The following SPIDR variants were observed in gnomAD, a reference collection of about 807,000 sequenced individuals.
SPIDR encodes DNA repair-scaffolding protein.
A neutral mutation model predicts 104.6 loss-of-function variants in SPIDR; 93 were observed. That is an observed-to-expected ratio of 0.89 (90% CI 0.75 to 1.06). The LOEUF (loss-of-function observed/expected upper bound fraction) is 1.06. Among genes scored for constraint, SPIDR ranks in the 50% least tolerant of loss-of-function variants. SPIDR has a pLI of 0.00. For missense variants in SPIDR, 1,154 were observed against 1,111.2 expected, an observed-to-expected ratio of 1.04 and a Z score of -0.55; for synonymous variants, 431 against 416.9, an observed-to-expected ratio of 1.03 and a Z score of -0.41.
At chr8:47,654,009 A>G (rs908583941) in intron 10 of SPIDR, 18 of 1,286,918 alleles carry the variant, frequency 1.4e-5, no homozygotes, top group Non-Finnish European at 1.7e-5. Flanking sequence ...GGCAAGGACT[A>G]TCAGATTCCA....
chr8:47,539,612 T>G (rs1277311263), intron 8 of SPIDR, among the ~76,000 whole-genome samples: 1 of 152,176 alleles, frequency 6.6e-6, no homozygotes, highest in Admixed American at 6.5e-5. Flanking sequence ...TTGACTGTTA[T>G]TCTGGTGTTT....
At chr8:47,546,239 G>A (rs1304137063) in intron 8 of SPIDR, among the ~76,000 whole-genome samples, 3 of 152,124 alleles carry the variant, frequency 2.0e-5, no homozygotes, top group Non-Finnish European at 2.9e-5. Flanking sequence ...TGAGCCTGGA[G>A]ATACCTGTTT....
intron 10 of SPIDR, among the ~76,000 whole-genome samples, chr8:47,646,858 T>TA (rs2070458065): frequency 6.6e-6 from 1 of 152,214 alleles, no homozygotes; most frequent in African/African-American, 2.4e-5. Flanking sequence ...AAGGACTTTA[T>TA]ATATAGTTAT....
At chr8:47,716,589 G>C (rs1037533699) in intron 16 of SPIDR, among the ~76,000 whole-genome samples, 9 of 152,178 alleles carry the variant, frequency 5.9e-5, no homozygotes, top group Non-Finnish European at 1.0e-4. Flanking sequence ...ATGCTCAGGA[G>C]GCTTTGGGGG....
At chr8:47,518,981 A>G (rs1275540171) in intron 8 of SPIDR, among the ~76,000 whole-genome samples, 1 of 152,140 alleles carries the variant, frequency 6.6e-6, no homozygotes, top group East Asian at 1.9e-4. Context: ...AAAATGAAGA[A>G]ATGTGAATAA....
At chr8:47,402,553 C>T (rs1554663974) in intron 6 of SPIDR, among the ~76,000 whole-genome samples, 1 of 152,114 alleles carries the variant, frequency 6.6e-6, no homozygotes, top group African/African-American at 2.4e-5. Flanking sequence ...CACAAACTAC[C>T]ATCAGAGAAT....
In SPIDR at chr8:47,712,742, A is replaced by G; in HGVS notation, c.2058A>G (p.Arg686=). ...TDVTLQTKEE[R]DPRLPKTLLV... ...TCACTCTGCAAACGAAGGAGGAGAG[A>G]GACCCCAGGCTCCCCAAAACCCTGC... Residue 686 remains arginine (R), a synonymous_variant, in exon 15 of 20, where the codon AGA becomes AGG. Transcript: ENST00000297423. 6.2e-7 allele frequency: 1 copy of G among 1,614,152 alleles called. No individual in the cohort carries two copies. The highest frequency in any genetic ancestry group is 2.2e-5 in the East Asian group (1 of 44,884).
intron 5 of SPIDR, among the ~76,000 whole-genome samples, chr8:47,389,899 C>G (rs1013399927): frequency 6.6e-6 from 1 of 151,972 alleles, no homozygotes; most frequent in Admixed American, 6.6e-5. Context: ...TTTCTGACCA[C>G]CTTCTCTCTA....
intron 10 of SPIDR, among the ~76,000 whole-genome samples, chr8:47,637,718 C>T (rs1056717423): frequency 9.2e-5 from 14 of 152,326 alleles, no homozygotes; most frequent in Admixed American, 3.9e-4. Context: ...ACTCTGTCAA[C>T]ATGAGTTCCT....
intron 17 of SPIDR, chr8:47,728,682 C>T (rs1176979638): frequency 5.6e-6 from 2 of 356,082 alleles, no homozygotes; most frequent in Non-Finnish European, 1.0e-5. Context: ...TCCTGGGAGG[C>T]TCAGCATCCC....
intron 3 of SPIDR, among the ~76,000 whole-genome samples, chr8:47,287,844 T>C (rs1462544338): frequency 1.3e-5 from 2 of 152,186 alleles, no homozygotes; most frequent in South Asian, 2.1e-4. Context: ...TGAGGTGATG[T>C]ACATTCTCAG....
chr8:47,584,460 A>G (rs1252561177), intron 8 of SPIDR, among the ~76,000 whole-genome samples: 2 of 152,216 alleles, frequency 1.3e-5, no homozygotes, highest in African/African-American at 2.4e-5. Context: ...CTGTATCCTA[A>G]GGACCATCAT....
At chr8:47,631,946 T>C (rs572641693) in intron 10 of SPIDR, among the ~76,000 whole-genome samples, 2 of 152,146 alleles carry the variant, frequency 1.3e-5, no homozygotes, top group Non-Finnish European at 2.9e-5. Flanking sequence ...CTGAGAGGCT[T>C]GAAGACATAG....
chr8:47,346,650 T>G (rs1311557822), intron 5 of SPIDR, among the ~76,000 whole-genome samples: 2 of 152,232 alleles, frequency 1.3e-5, no homozygotes, highest in Non-Finnish European at 2.9e-5. Flanking sequence ...CTGTTATTGG[T>G]CTATTCAGAG....
intron 11 of SPIDR, among the ~76,000 whole-genome samples, chr8:47,677,379 G>A (rs2076577054): frequency 6.6e-6 from 1 of 152,188 alleles, no homozygotes; most frequent in Non-Finnish European, 1.5e-5. Flanking sequence ...CCTATCATAG[G>A]TATAGAAACT....
chr8:47,595,851 C>T lies in SPIDR; in HGVS notation c.1138C>T (p.Leu380=). The stretch of plus-strand genomic sequence containing the variant: ...TCCAAGTGGAAGTTGCCCTGTTATT[C>T]TGAATACTTACTTTTGTGAGAAAGT... ...IIPSGSCPVI[L]NTYFCEKVVA... Residue 380 remains leucine (L), a synonymous_variant, in exon 9 of 20, where the codon CTG becomes TTG. Transcript: ENST00000297423. 1 of 1,614,178 alleles carries T rather than the reference C, an allele frequency of 6.2e-7. No individual in the cohort carries two copies. Among genetic ancestry groups the T allele is most frequent in the South Asian group, 1.1e-5 (1 of 91,084 alleles).
At chr8:47,290,181 A>G (rs2154237101) in intron 3 of SPIDR, among the ~76,000 whole-genome samples, 1 of 152,242 alleles carries the variant, frequency 6.6e-6, no homozygotes, top group East Asian at 1.9e-4. Flanking sequence ...AGCTGGGATT[A>G]CAGGCACCCG....
chr8:47,578,483 A>C (rs561628204), intron 8 of SPIDR, among the ~76,000 whole-genome samples: 1 of 150,928 alleles, frequency 6.6e-6, no homozygotes, highest in Non-Finnish European at 1.5e-5. Flanking sequence ...AAAAAAAAAT[A>C]ATAATAATAA....
rs532618764 is a variant in SPIDR, at chr8:47,405,189, C to T, written c.777-2672C>T. 2.0e-5 allele frequency among the ~76,000 whole-genome samples: 3 copies of T among 151,906 alleles called. No individual in the cohort carries two copies. The East Asian group carries it at 5.8e-4, about 29-fold the overall frequency. ...TGGACACAGGAAGGGGAACATCACA[C>T]ACCGGGGCCTGTCATGTGGTGGGGG... On this transcript the variant is annotated intron_variant, in intron 6 of 19. Transcript: ENST00000297423.
Sources: gnomAD v4.1 joint callset for allele counts (sites outside exome capture counted in the v4.1 genomes callset) on GRCh38, gnomAD v4.1.1 for gene constraint, MANE v1.5 for transcripts, NCBI Gene and HGNC (gene_info 2026-07-23, HGNC 2026-07-21) for gene names.